PCBD2: variants seen among roughly 807,000 people sequenced by gnomAD.
The protein encoded by PCBD2 is pterin-4-alpha-carbinolamine dehydratase 2.
In PCBD2, 12 loss-of-function variants were observed where a neutral mutation model predicts 16.4. The ratio of observed to expected loss-of-function variants is 0.73; its 90% CI spans 0.47 to 1.19. PCBD2 has a LOEUF of 1.19. Among genes scored for constraint, PCBD2 ranks in the 50% most tolerant of loss-of-function variants. The pLI is 0.00. For missense variants in PCBD2, 138 were observed against 156.8 expected, an observed-to-expected ratio of 0.88 and a Z score of 0.64; for synonymous variants, 58 against 61.8, an observed-to-expected ratio of 0.94 and a Z score of 0.29.
At chr5:134,910,289 G>T in intron 1 of PCBD2, 46 bp from the exon 2 acceptor site, 2 of 1,592,182 alleles carry the variant, frequency 1.3e-6, no homozygotes, top group South Asian at 2.3e-5. Context: ...GTTTGAGTTT[G>T]AGTAAACTTG....
intron 2 of PCBD2, among the ~76,000 whole-genome samples, chr5:134,935,658 G>T (rs1751151011): frequency 6.6e-6 from 1 of 152,154 alleles, no homozygotes; most frequent in Non-Finnish European, 1.5e-5. Flanking sequence ...GTAAAATTTA[G>T]CTAGCAGTCC....
At chr5:134,906,754 ATAT>A (rs1750695897) in intron 1 of PCBD2, among the ~76,000 whole-genome samples, 1 of 152,174 alleles carries the variant, frequency 6.6e-6, no homozygotes, top group East Asian at 1.9e-4. Context: ...TGGCAGGTAG[ATAT>A]TATAATATCC....
chr5:134,956,706 A>G lies in PCBD2; in HGVS notation c.217-2334A>G, dbSNP rs998964683. Among the ~76,000 whole-genome samples, 10 of 152,274 alleles carry G rather than the reference A, an allele frequency of 6.6e-5. No homozygotes were observed. In the East Asian group the frequency reaches 1.9e-3, roughly 29 times the overall value. ...GCGAGTCTCTATTTATGACAACTGG[A>G]AAAAGGAAAGAGCCATTCTTCTGGA... is the stretch of plus-strand genomic sequence containing the variant. On this transcript the variant is annotated intron_variant, in intron 2 of 3. Coordinates refer to ENST00000254908, the MANE Select transcript of PCBD2 (RefSeq NM_032151.5).
intron 2 of PCBD2, among the ~76,000 whole-genome samples, chr5:134,941,101 C>T (rs1361514358): frequency 7.8e-6 from 1 of 127,896 alleles, no homozygotes; most frequent in South Asian, 2.4e-4. Flanking sequence ...GGCAATAGAG[C>T]GAGAGTCCAT....
At chr5:134,920,967 T>A (rs1014448963) in intron 2 of PCBD2, among the ~76,000 whole-genome samples, 2 of 152,214 alleles carry the variant, frequency 1.3e-5, no homozygotes, top group Non-Finnish European at 2.9e-5. Context: ...CTGCTGAGGC[T>A]TTTTGCTATA....
chr5:134,956,764 C>G (rs1399056646), intron 2 of PCBD2, among the ~76,000 whole-genome samples: 1 of 152,186 alleles, frequency 6.6e-6, no homozygotes, highest in Non-Finnish European at 1.5e-5. Context: ...TTCTCAAGCC[C>G]ATGGAGAGCT....
At chr5:134,954,296 T>C (rs1751391563) in intron 2 of PCBD2, among the ~76,000 whole-genome samples, 1 of 152,216 alleles carries the variant, frequency 6.6e-6, no homozygotes, top group Non-Finnish European at 1.5e-5. Context: ...AGTATACTTA[T>C]GTCTCTAACT....
chr5:134,945,464 TA>T (rs1751280861), intron 2 of PCBD2, among the ~76,000 whole-genome samples: 1 of 152,214 alleles, frequency 6.6e-6, no homozygotes, highest in South Asian at 2.1e-4. Context: ...ATTACTTATA[TA>T]AAAAAAGCCA....
intron 1 of PCBD2, among the ~76,000 whole-genome samples, chr5:134,908,413 C>G (rs1186841693): frequency 1.3e-5 from 2 of 151,838 alleles, no homozygotes; most frequent in Non-Finnish European, 2.9e-5. Flanking sequence ...GCCTGTAATC[C>G]CAGCACTTTG....
intron 2 of PCBD2, chr5:134,927,858 G>A: frequency 3.3e-6 from 1 of 299,904 alleles, no homozygotes. Context: ...GGTCGTTAGG[G>A]GGTCGGAGGA....
At chr5:134,943,380 G>A (rs1245392763) in intron 2 of PCBD2, among the ~76,000 whole-genome samples, 3 of 152,182 alleles carry the variant, frequency 2.0e-5, no homozygotes, top group East Asian at 1.9e-4. Context: ...CCTCAGTCTA[G>A]GTTACGAGTG....
intron 2 of PCBD2, among the ~76,000 whole-genome samples, chr5:134,941,521 G>A (rs560755840): frequency 2.0e-5 from 3 of 152,286 alleles, no homozygotes; most frequent in Admixed American, 6.5e-5. Flanking sequence ...AGAAGGCCTG[G>A]CTTTTAAAAG....
intron 3 of PCBD2, among the ~76,000 whole-genome samples, chr5:134,959,385 C>A (rs1162555803): frequency 1.3e-5 from 2 of 152,082 alleles, no homozygotes; most frequent in African/African-American, 4.8e-5. Context: ...TGAATTAAAC[C>A]GGAGTATCAG....
At chr5:134,907,922 T>G (rs1750717063) in intron 1 of PCBD2, among the ~76,000 whole-genome samples, 1 of 124,006 alleles carries the variant, frequency 8.1e-6, no homozygotes, top group African/African-American at 3.4e-5. Context: ...ACGCCCGGAC[T>G]TTTTTTTTTT....
intron 2 of PCBD2, among the ~76,000 whole-genome samples, chr5:134,921,029 C>T (rs578073290): frequency 2.5e-4 from 38 of 152,364 alleles, no homozygotes; most frequent in African/African-American, 7.5e-4. Flanking sequence ...GCAGCCCTGT[C>T]GGTGGACATG....
At chr5:134,917,821 T>G (rs1359152481) in intron 2 of PCBD2, among the ~76,000 whole-genome samples, 1 of 152,244 alleles carries the variant, frequency 6.6e-6, no homozygotes, top group Non-Finnish European at 1.5e-5. Context: ...GTAAAATGTT[T>G]CTTTTCCTGT....
In PCBD2 at chr5:134,959,048, C is replaced by T. The variant is rs771324224; in HGVS notation, c.225C>T (p.Gly75=). The change falls in exon 3 of 4, where the codon GGC becomes GGT. Residue 75 remains glycine (G), a synonymous_variant. Coordinates refer to ENST00000254908, the MANE Select transcript of PCBD2 (RefSeq NM_032151.5). ...FSFHNFNQAF[G]FMSRVALQAE... is the part of the protein sequence containing the mutation. ...GACTTCATCTTATGCAGGCATTTGG[C>T]TTTATGTCCCGAGTTGCCCTACAAG... 1 of 1,613,650 alleles carries T rather than the reference C, an allele frequency of 6.2e-7. No individual in the cohort carries two copies. Among genetic ancestry groups the T allele is most frequent in the South Asian group, 1.1e-5 (1 of 91,026 alleles).
intron 2 of PCBD2, among the ~76,000 whole-genome samples, chr5:134,942,448 C>G (rs975586742): frequency 6.6e-6 from 1 of 151,962 alleles, no homozygotes; most frequent in South Asian, 2.1e-4. Flanking sequence ...TATAAATGCT[C>G]ATTATATTTT....
intron 2 of PCBD2, among the ~76,000 whole-genome samples, chr5:134,945,554 A>G (rs1309718844): frequency 6.6e-6 from 1 of 152,170 alleles, no homozygotes; most frequent in African/African-American, 2.4e-5. Flanking sequence ...TGACTTAAGA[A>G]TTTATTATTT....
Sources: allele counts gnomAD v4.1 joint callset (sites outside exome capture counted in the v4.1 genomes callset), GRCh38; gene constraint gnomAD v4.1.1; transcripts MANE v1.5; gene names NCBI Gene and HGNC (gene_info 2026-07-23, HGNC 2026-07-21).